Variants in CR1L observed in about 807,000 individuals in gnomAD.
CR1L encodes complement component receptor 1-like protein.
A neutral mutation model predicts 62.3 loss-of-function variants in CR1L; 59 were observed. The ratio of observed to expected loss-of-function variants is 0.95; its 90% CI spans 0.77 to 1.18. The LOEUF (loss-of-function observed/expected upper bound fraction) is 1.18, where lower values mean the gene tolerates loss of function less well. CR1L is among the 50% of genes most tolerant of loss of function. The probability of loss-of-function intolerance (pLI) is 0.00; values close to 1 mark genes in which losing one functional copy is unlikely to be tolerated. For missense variants in CR1L, 700 were observed against 702.8 expected, an observed-to-expected ratio of 1.00 and a Z score of 0.04; for synonymous variants, 279 against 248.7, an observed-to-expected ratio of 1.12 and a Z score of -1.15.
intron 11 of CR1L, among the ~76,000 whole-genome samples, chr1:207,721,773 A>T (rs368474238): frequency 7.9e-5 from 12 of 151,586 alleles, no homozygotes; most frequent in Non-Finnish European, 1.8e-4. Context: ...CCACACTGAC[A>T]TCCACAATGG....
chr1:207,711,290 A>T (rs146742682), intron 10 of CR1L: 569 of 177,494 alleles, frequency 3.2e-3, no homozygotes, highest in African/African-American at 0.013. Context: ...CTACCAACCC[A>T]TGTTAGCCTT....
intron 11 of CR1L, among the ~76,000 whole-genome samples, chr1:207,719,363 G>A (rs1654081474): frequency 6.6e-6 from 1 of 151,874 alleles, no homozygotes. Flanking sequence ...TTATCTTACA[G>A]GTAGCAGTAG....
intron 11 of CR1L, among the ~76,000 whole-genome samples, chr1:207,721,424 G>A (rs1328929786): frequency 1.5e-4 from 22 of 145,212 alleles, no homozygotes; most frequent in South Asian, 2.2e-4. Flanking sequence ...TCCCACCTAT[G>A]AGTGAGAATA....
At chr1:207,652,564 C>T (rs1229791790) in intron 1 of CR1L, 5 of 1,546,950 alleles carry the variant, frequency 3.2e-6, no homozygotes, top group African/African-American at 2.7e-5. Flanking sequence ...TGAGGAGCCA[C>T]CAACATTTGA....
At chr1:207,699,338 T>G in intron 8 of CR1L, 64 bp downstream of exon 8, 2 of 1,584,704 alleles carry the variant, frequency 1.3e-6, no homozygotes, top group Non-Finnish European at 1.7e-6. Flanking sequence ...ATTTGACCCA[T>G]GACCTCCCCT....
rs578024078 is a variant in CR1L, at chr1:207,669,642, G to T, written c.98-7747G>T. On this transcript the variant is annotated intron_variant, in intron 1 of 11. Transcript: ENST00000508064. ...GCCCCGCAGAGAACTCGCGTGCCGC[G>T]CTGGGCTGCGCTGCTCTGCGCGCCC... The T allele has an allele frequency of 1.6e-3, 1,392 of 880,644 alleles. 14 individuals are homozygous for T. Among genetic ancestry groups the T allele is most frequent in the South Asian group, 5.0e-3 (307 of 61,188 alleles). 54.6% of individuals were successfully genotyped at this position (880,644 alleles called of 1,614,324 possible).
chr1:207,665,146 C>T (rs947490546), intron 1 of CR1L, among the ~76,000 whole-genome samples: 23 of 151,008 alleles, frequency 1.5e-4, no homozygotes, highest in Admixed American at 6.6e-4. Context: ...CTCTGCCTCC[C>T]GGGTTCCCGC....
At chr1:207,652,725 GC>G in intron 1 of CR1L, 3 of 844,484 alleles carry the variant, frequency 3.6e-6, no homozygotes, top group Non-Finnish European at 4.1e-6. Flanking sequence ...TCTCAGATGA[GC>G]CCTGTTATAG....
intron 10 of CR1L, chr1:207,710,298 G>T (rs532546317): frequency 2.4e-6 from 2 of 816,688 alleles, no homozygotes; most frequent in Non-Finnish European, 4.0e-6. Flanking sequence ...AGCCATGATC[G>T]TGCCACTGCA....
intron 5 of CR1L, 100 bp from the exon 6 acceptor site, chr1:207,697,403 G>A (rs538719211): frequency 3.8e-6 from 6 of 1,595,222 alleles, no homozygotes; most frequent in African/African-American, 1.4e-5. Context: ...TACCTTTTTT[G>A]TTACATATAG....
intron 10 of CR1L, among the ~76,000 whole-genome samples, chr1:207,714,563 G>A (rs1653942459): frequency 6.6e-6 from 1 of 152,140 alleles, no homozygotes; most frequent in African/African-American, 2.4e-5. Context: ...CGTTGCTTAT[G>A]TGTATCCATT....
intron 5 of CR1L, among the ~76,000 whole-genome samples, chr1:207,696,469 T>C (rs1664102276): frequency 6.6e-6 from 1 of 152,178 alleles, no homozygotes; most frequent in Non-Finnish European, 1.5e-5. Context: ...CAAAAGACAG[T>C]GCAGAAGTGT....
chr1:207,688,093 C>T (rs1470302722), intron 4 of CR1L, among the ~76,000 whole-genome samples: 9 of 151,970 alleles, frequency 5.9e-5, no homozygotes, highest in African/African-American at 2.2e-4. Context: ...GGCAACAAAG[C>T]GAGACCCTGT....
At chr1:207,660,467 A>C (rs912417825) in intron 1 of CR1L, among the ~76,000 whole-genome samples, 1 of 152,254 alleles carries the variant, frequency 6.6e-6, no homozygotes, top group Non-Finnish European at 1.5e-5. Context: ...ACAAAGAAAC[A>C]GAAAGGAATA....
intron 1 of CR1L, among the ~76,000 whole-genome samples, chr1:207,663,545 C>T (rs184565820): frequency 2.0e-5 from 3 of 152,220 alleles, no homozygotes; most frequent in Admixed American, 1.3e-4. Flanking sequence ...ATCTGTCACC[C>T]CTTTCTTTGA....
chr1:207,680,463 A>T (rs1475639740), intron 3 of CR1L, among the ~76,000 whole-genome samples: 1 of 152,152 alleles, frequency 6.6e-6, no homozygotes, highest in Non-Finnish European at 1.5e-5. Context: ...TATTAGGGGA[A>T]AATTGAGTAA....
intron 3 of CR1L, among the ~76,000 whole-genome samples, chr1:207,683,416 C>T (rs1009826011): frequency 3.3e-5 from 5 of 152,098 alleles, no homozygotes; most frequent in Admixed American, 1.3e-4. Flanking sequence ...GGATTACAGG[C>T]GTGAGCCACT....
intron 4 of CR1L, among the ~76,000 whole-genome samples, chr1:207,688,861 T>C (rs1663952614): frequency 6.6e-6 from 1 of 152,178 alleles, no homozygotes; most frequent in Non-Finnish European, 1.5e-5. Flanking sequence ...AGATATGCAC[T>C]GGTTTCACCT....
At chr1:207,671,275 G>A (rs1019663514) in intron 1 of CR1L, among the ~76,000 whole-genome samples, 1 of 150,942 alleles carries the variant, frequency 6.6e-6, no homozygotes, top group African/African-American at 2.5e-5. Context: ...CTAAGCAGTC[G>A]TGCAAGACTG....
Sources: allele counts gnomAD v4.1 joint callset (sites outside exome capture counted in the v4.1 genomes callset), GRCh38; gene constraint gnomAD v4.1.1; transcripts MANE v1.5; gene names NCBI Gene and HGNC (gene_info 2026-07-23, HGNC 2026-07-21).